ALK: variants seen among roughly 807,000 people sequenced by gnomAD.
ALK encodes ALK tyrosine kinase receptor.
In ALK, 74 loss-of-function variants were observed where a neutral mutation model predicts 163.1. That is an observed-to-expected ratio of 0.45 (90% CI 0.38 to 0.55). ALK has a LOEUF of 0.55. ALK is among the 20% of genes least tolerant of loss of function. ALK has a pLI of 0.00. For synonymous variants in ALK, 960 were observed against 843.2 expected, an observed-to-expected ratio of 1.14 and a Z score of -2.40; for missense variants, 2,063 against 2,105.3, an observed-to-expected ratio of 0.98 and a Z score of 0.39.
intron 26 of ALK, among the ~76,000 whole-genome samples, chr2:29,200,781 A>ATGTG (rs1558608848): frequency 0.016 from 2,186 of 136,506 alleles, 93 homozygotes; most frequent in African/African-American, 0.056. Flanking sequence ...ACGTATATAT[A>ATGTG]TGTATATACA....
intron 3 of ALK, among the ~76,000 whole-genome samples, chr2:29,655,705 CA>C (rs1677165160): frequency 6.6e-6 from 1 of 152,170 alleles, no homozygotes; most frequent in Non-Finnish European, 1.5e-5. Context: ...TTTAAAAAAT[CA>C]GCTCACAAAC....
At chr2:29,247,790 C>G (rs1309692012) in intron 12 of ALK, among the ~76,000 whole-genome samples, 1 of 152,132 alleles carries the variant, frequency 6.6e-6, no homozygotes, top group Non-Finnish European at 1.5e-5. Context: ...GTCCCAGTGC[C>G]AGGCCTCGGT....
At chr2:29,232,153 G>A in intron 15 of ALK, 151 bp downstream of exon 15, 1 of 1,137,792 alleles carries the variant, frequency 8.8e-7, no homozygotes. Flanking sequence ...GGTGCTGCCT[G>A]CCCTCCCTCC....
chr2:29,346,640 T>C (rs1274634661), intron 5 of ALK, among the ~76,000 whole-genome samples: 1 of 152,232 alleles, frequency 6.6e-6, no homozygotes, highest in Non-Finnish European at 1.5e-5. Flanking sequence ...AATTAACAAA[T>C]CAACTAAATA....
At chr2:29,237,226 G>A (rs1229615867) in intron 13 of ALK, among the ~76,000 whole-genome samples, 3 of 152,148 alleles carry the variant, frequency 2.0e-5, no homozygotes, top group African/African-American at 7.2e-5. Flanking sequence ...CTCTTGCCAG[G>A]ATTAATGCCA....
At chr2:29,671,226 T>A (rs555288032) in intron 3 of ALK, among the ~76,000 whole-genome samples, 1 of 152,218 alleles carries the variant, frequency 6.6e-6, no homozygotes, top group South Asian at 2.1e-4. Flanking sequence ...CAGGTTCACC[T>A]CTGCGCTAAT....
chr2:29,651,225 G>C lies in ALK; in HGVS notation c.952+43625C>G, dbSNP rs138762277. Among the ~76,000 whole-genome samples the C allele has an allele frequency of 5.1e-3, 783 of 152,214 alleles. 13 individuals carry two copies. The highest frequency in any genetic ancestry group is 0.017 in the African/African-American group (721 of 41,542). ...ACCACTCTTCCTGACATGATAGTGGGGGCTGCGCTTCAAGCTGGTTGGGAA... is the reference window on the plus strand; with the variant it reads ...ACCACTCTTCCTGACATGATAGTGGCGGCTGCGCTTCAAGCTGGTTGGGAA... On this transcript the variant is annotated intron_variant, in intron 3 of 28. Transcript: ENST00000389048.
intron 11 of ALK, among the ~76,000 whole-genome samples, chr2:29,259,990 A>T (rs1665043831): frequency 6.6e-6 from 1 of 152,140 alleles, no homozygotes; most frequent in African/African-American, 2.4e-5. Flanking sequence ...ATTTAGAATT[A>T]TCAGAGTTTT....
chr2:29,405,806 T>C (rs538690009), intron 4 of ALK, among the ~76,000 whole-genome samples: 4 of 152,184 alleles, frequency 2.6e-5, no homozygotes, highest in Non-Finnish European at 4.4e-5. Flanking sequence ...ATAGAAATGA[T>C]AGAAGACCCT....
intron 1 of ALK, among the ~76,000 whole-genome samples, chr2:29,796,804 T>C (rs1023721109): frequency 6.6e-6 from 1 of 151,916 alleles, no homozygotes; most frequent in African/African-American, 2.4e-5. Flanking sequence ...GGTATGACAA[T>C]GGGGAGAGGA....
chr2:29,631,840 C>T (rs1009334698), intron 3 of ALK, among the ~76,000 whole-genome samples: 1 of 152,212 alleles, frequency 6.6e-6, no homozygotes, highest in Non-Finnish European at 1.5e-5. Flanking sequence ...GCTATCTAGC[C>T]ACATATCCTC....
chr2:29,637,704 G>T (rs1457293741), intron 3 of ALK, among the ~76,000 whole-genome samples: 1 of 13,602 alleles, frequency 7.4e-5, no homozygotes, highest in Non-Finnish European at 1.3e-4. Context: ...GCAAGACTCC[G>T]TCTCCAAAAA....
chr2:29,916,998 C>T (rs1473435697), intron 1 of ALK, among the ~76,000 whole-genome samples: 1 of 152,194 alleles, frequency 6.6e-6, no homozygotes, highest in Admixed American at 6.5e-5. Flanking sequence ...TTCACAGTAA[C>T]CCACAAGGAA....
At chr2:29,838,481 T>C (rs145745067) in intron 1 of ALK, among the ~76,000 whole-genome samples, 6 of 152,250 alleles carry the variant, frequency 3.9e-5, no homozygotes, top group Middle Eastern at 3.4e-3. Flanking sequence ...AAAATGTTTA[T>C]AGCAACTCTA....
In ALK at chr2:29,736,987, C is replaced by G. The variant is rs554919906; in HGVS notation, c.668-19290G>C. 9.9e-4 allele frequency among the ~76,000 whole-genome samples: 151 copies of G among 151,902 alleles called. 3 individuals carry two copies. The highest frequency in any genetic ancestry group is 1.1e-3 in the Non-Finnish European group (78 of 68,006). On this transcript the variant is annotated intron_variant, in intron 1 of 28. Transcript: ENST00000389048. Reference sequence around the variant, plus strand: ...TTCCTTGTTCCAGTACTTGGTAGAACCTAAAGATTAGAAAGAATTAGATGT... The same window carrying G: ...TTCCTTGTTCCAGTACTTGGTAGAAGCTAAAGATTAGAAAGAATTAGATGT...
chr2:29,472,045 T>C (rs1485298511), intron 4 of ALK, among the ~76,000 whole-genome samples: 4 of 152,170 alleles, frequency 2.6e-5, no homozygotes, highest in African/African-American at 9.6e-5. Flanking sequence ...ACCCAGCCGA[T>C]GTTGATGACT....
At chr2:29,518,472 T>G (rs961520118) in intron 4 of ALK, among the ~76,000 whole-genome samples, 3 of 152,190 alleles carry the variant, frequency 2.0e-5, no homozygotes, top group African/African-American at 7.2e-5. Flanking sequence ...AAGAATCAAA[T>G]AGTCTAAGAA....
In ALK at chr2:29,239,671, G is replaced by T; in HGVS notation, c.2355+9C>A. 6.2e-7 allele frequency: 1 copy of T among 1,613,582 alleles called. No homozygotes were observed. The highest frequency in any genetic ancestry group is 8.5e-7 in the Non-Finnish European group (1 of 1,179,996). On this transcript the variant is annotated intron_variant, in intron 13 of 28. Transcript: ENST00000389048. ...GTGCAGACGAGAAACCCCTGCTCTGGGCACTTACACTGGGGCAGGCGTCCT... is the reference window on the plus strand; with the variant it reads ...GTGCAGACGAGAAACCCCTGCTCTGTGCACTTACACTGGGGCAGGCGTCCT...
chr2:29,446,385 C>G (rs999895226), intron 4 of ALK, among the ~76,000 whole-genome samples: 1 of 152,092 alleles, frequency 6.6e-6, no homozygotes. Context: ...TAGAAAAGTT[C>G]TTAACAATCC....
Sources: allele counts gnomAD v4.1 joint callset (sites outside exome capture counted in the v4.1 genomes callset), GRCh38; gene constraint gnomAD v4.1.1; transcripts MANE v1.5; gene names NCBI Gene and HGNC (gene_info 2026-07-23, HGNC 2026-07-21).